Variants in GNA14 observed in about 807,000 individuals in gnomAD.
GNA14 encodes G protein subunit alpha 14.
A neutral mutation model predicts 42.0 loss-of-function variants in GNA14; 50 were observed. The ratio of observed to expected loss-of-function variants is 1.19; its 90% confidence interval spans 0.95 to 1.51. GNA14 has a LOEUF of 1.51. GNA14 is among the 40% of genes most tolerant of loss of function. The pLI, the probability that GNA14 is intolerant of heterozygous loss-of-function variation, is 0.00. For missense variants in GNA14, 473 were observed against 446.2 expected (o/e 1.06, Z -0.54); for synonymous variants, 173 against 163.1 (o/e 1.06, Z -0.46).
chr9:77,482,138 C>A (rs149461807), intron 2 of GNA14, among the ~76,000 whole-genome samples: 2 of 152,302 alleles, frequency 1.3e-5, no homozygotes, highest in Non-Finnish European at 2.9e-5. Flanking sequence ...CAGTTTCTTC[C>A]TAGCCTTGAT....
rs559831198 is a variant in GNA14, at chr9:77,449,413, C to T, written c.310-14891G>A. ...TTCTGATTCCCATTAACAGAATTTT[C>T]CCCATTTCTTTTTTCTTCTTTATAA... is the stretch of plus-strand genomic sequence containing the variant. On this transcript the variant is annotated intron_variant, in intron 2 of 6. Coordinates refer to ENST00000341700, the MANE Select transcript of GNA14 (RefSeq NM_004297.4). Among the ~76,000 whole-genome samples the T allele has an allele frequency of 1.3e-3, 205 of 152,308 alleles. 1 individual carries two copies. The highest frequency in any genetic ancestry group is 4.7e-3 in the African/African-American group (196 of 41,566).
chr9:77,438,519 CA>C (rs1397531880), intron 2 of GNA14, among the ~76,000 whole-genome samples: 1 of 152,174 alleles, frequency 6.6e-6, no homozygotes, highest in East Asian at 1.9e-4. Context: ...CCACCCACCT[CA>C]GCCTCCCAAA....
At chr9:77,477,703 G>A (rs1273925098) in intron 2 of GNA14, among the ~76,000 whole-genome samples, 1 of 152,100 alleles carries the variant, frequency 6.6e-6, no homozygotes, top group African/African-American at 2.4e-5. Context: ...GCTATTTGAG[G>A]GAAGCAGTGA....
chr9:77,512,005 C>G (rs941541831), intron 2 of GNA14, among the ~76,000 whole-genome samples: 1 of 152,128 alleles, frequency 6.6e-6, no homozygotes. Context: ...CCCGGCCCTA[C>G]CTTGGAGCCT....
intron 1 of GNA14, among the ~76,000 whole-genome samples, chr9:77,539,127 A>G (rs1837630614): frequency 6.6e-6 from 1 of 152,162 alleles, no homozygotes; most frequent in African/African-American, 2.4e-5. Context: ...CCAGTTCAGT[A>G]TGATGTCAGC....
chr9:77,585,443 T>C (rs1027781211), intron 1 of GNA14, among the ~76,000 whole-genome samples: 1 of 152,228 alleles, frequency 6.6e-6, no homozygotes, highest in South Asian at 2.1e-4. Context: ...TAGTCTCTTA[T>C]CAATGAAGAA....
rs148829839 is a variant in GNA14, at chr9:77,434,460, C to T, written c.372G>A (p.Gln124=). 6.2e-7 allele frequency: 1 copy of T among 1,613,254 alleles called. No individual in the cohort carries two copies. The highest frequency in any genetic ancestry group is 8.5e-7 in the Non-Finnish European group (1 of 1,179,180). The change falls in exon 3 of 7, where the codon CAG becomes CAA. Residue 124 remains glutamine, a synonymous_variant. Transcript: ENST00000341700. ...GCCAGAGCTGCTTGATGGCCTCCAC[C>T]TGCTCCCTGGAGAGCATGGAGACCT... ...VDKVSMLSRE[Q]VEAIKQLWQD...
At chr9:77,580,185 TG>T (rs1350216945) in intron 1 of GNA14, 2 of 247,198 alleles carry the variant, frequency 8.1e-6, no homozygotes, top group African/African-American at 4.5e-5. Context: ...GGGTTGTTGC[TG>T]CCACTGCCGC....
intron 2 of GNA14, among the ~76,000 whole-genome samples, chr9:77,487,415 TG>T (rs1295309008): frequency 2.0e-5 from 3 of 152,244 alleles, no homozygotes; most frequent in Non-Finnish European, 2.9e-5. Context: ...AGTAAGCAGT[TG>T]AGGGAGCTTT....
intron 1 of GNA14, among the ~76,000 whole-genome samples, chr9:77,626,322 G>A (rs936902232): frequency 6.6e-6 from 1 of 152,104 alleles, no homozygotes; most frequent in Non-Finnish European, 1.5e-5. Flanking sequence ...GTCAATATTA[G>A]ATCAATGAGA....
intron 1 of GNA14, among the ~76,000 whole-genome samples, chr9:77,581,618 C>A (rs566229119): frequency 6.6e-6 from 1 of 152,256 alleles, no homozygotes; most frequent in East Asian, 1.9e-4. Flanking sequence ...GACTCTGGTT[C>A]GGACATTGGT....
At chr9:77,436,115 A>G (rs753609179) in intron 2 of GNA14, among the ~76,000 whole-genome samples, 38 of 152,218 alleles carry the variant, frequency 2.5e-4, no homozygotes, top group Non-Finnish European at 5.0e-4. Context: ...ATCCTAACCA[A>G]GGACTGTGAA....
intron 2 of GNA14, among the ~76,000 whole-genome samples, chr9:77,525,977 C>T (rs549555004): frequency 6.6e-6 from 1 of 151,662 alleles, no homozygotes; most frequent in East Asian, 1.9e-4. Flanking sequence ...TCTGAGCTCA[C>T]TGCAACCTCC....
At chr9:77,465,273 T>C (rs192814829) in intron 2 of GNA14, among the ~76,000 whole-genome samples, 54 of 152,362 alleles carry the variant, frequency 3.5e-4, no homozygotes, top group Non-Finnish European at 5.4e-4. Context: ...CCACACAATA[T>C]GGAATCCATT....
intron 1 of GNA14, among the ~76,000 whole-genome samples, chr9:77,605,853 G>T (rs1324338246): frequency 6.6e-6 from 1 of 152,164 alleles, no homozygotes; most frequent in African/African-American, 2.4e-5. Flanking sequence ...TGAATTCTAT[G>T]ATTTCTAAAT....
At chr9:77,571,571 C>T (rs998765853) in intron 1 of GNA14, among the ~76,000 whole-genome samples, 5 of 151,998 alleles carry the variant, frequency 3.3e-5, no homozygotes, top group Admixed American at 6.6e-5. Context: ...GAAGCCGAGG[C>T]GGGCAGATCA....
chr9:77,625,653 A>G (rs1374954127), intron 1 of GNA14, among the ~76,000 whole-genome samples: 40 of 152,216 alleles, frequency 2.6e-4, no homozygotes, highest in Admixed American at 2.6e-3. Flanking sequence ...TAAGCAAAGG[A>G]GAAATAAAAT....
At chr9:77,588,988 G>C (rs1267842453) in intron 1 of GNA14, among the ~76,000 whole-genome samples, 1 of 152,152 alleles carries the variant, frequency 6.6e-6, no homozygotes, top group Non-Finnish European at 1.5e-5. Context: ...CAGCTAAAAA[G>C]AACTGTTTGT....
intron 1 of GNA14, among the ~76,000 whole-genome samples, chr9:77,556,285 G>T (rs1822778987): frequency 6.6e-6 from 1 of 152,018 alleles, no homozygotes; most frequent in Non-Finnish European, 1.5e-5. Flanking sequence ...GTTCACAGTT[G>T]CATATCTACA....
Sources: allele counts gnomAD v4.1 joint callset (sites outside exome capture counted in the v4.1 genomes callset), GRCh38; gene constraint gnomAD v4.1.1; transcripts MANE v1.5; gene names NCBI Gene and HGNC (gene_info 2026-07-23, HGNC 2026-07-21).